Variants in CPLX2 observed in about 807,000 individuals in gnomAD.
CPLX2 encodes the protein complexin-2.
A neutral mutation model predicts 16.3 loss-of-function variants in CPLX2; 5 were observed. That is an observed-to-expected ratio of 0.31 (90% confidence interval 0.16 to 0.64). CPLX2 has a LOEUF of 0.64. Ranked by LOEUF, CPLX2 falls within the 30% of genes least tolerant of loss-of-function variation. The pLI, the probability that CPLX2 is intolerant of heterozygous loss-of-function variation, is 0.79. For synonymous variants in CPLX2, 89 were observed against 73.2 expected, an observed-to-expected ratio of 1.22 and a Z score of -1.10; for missense variants, 144 against 181.4, an observed-to-expected ratio of 0.79 and a Z score of 1.18.
rs1247037713 is a variant in CPLX2, at chr5:175,878,783, G to A, written c.31+13G>A. The A allele has an allele frequency of 6.2e-7, 1 of 1,612,700 alleles. No homozygotes were observed. Among genetic ancestry groups the A allele is most frequent in the Non-Finnish European group, 8.5e-7 (1 of 1,179,676 alleles). Reference sequence around the variant, plus strand: ...CAGGCCCTTGGAGGTGAGGTCCAGCGCCCCTCCGCGTGTCCTCAGCCGGTC... The same window carrying A: ...CAGGCCCTTGGAGGTGAGGTCCAGCACCCCTCCGCGTGTCCTCAGCCGGTC... On this transcript the variant is annotated intron_variant, in intron 2 of 3. Transcript: ENST00000393745.
At chr5:175,828,869 T>C (rs1758671763) in intron 2 of CPLX2, among the ~76,000 whole-genome samples, 1 of 152,242 alleles carries the variant, frequency 6.6e-6, no homozygotes, top group South Asian at 2.1e-4. Flanking sequence ...AGCTTCTGTC[T>C]GTGCCTTCTG....
Position 175,880,180 on chromosome 5 carries a change from C to T in CPLX2, c.*135C>T. The T allele has an allele frequency of 2.2e-6, 2 of 910,766 alleles. No individual in the cohort carries two copies. The highest frequency in any genetic ancestry group is 1.8e-6 in the Non-Finnish European group (1 of 562,912). The allele number at this position is 910,766 out of a possible 1,614,324, so 56.4% of individuals were successfully genotyped here. A position where few individuals can be genotyped will look rare whatever the true frequency, so the allele number is the denominator to read the frequency against. Reference sequence around the variant, plus strand: ...TCTGCCCCTCTTCCCTGGCCAGGGGCTTCTCCCCCTCAGCTCTCCCTCACA... The same window carrying T: ...TCTGCCCCTCTTCCCTGGCCAGGGGTTTCTCCCCCTCAGCTCTCCCTCACA... On this transcript the variant is annotated 3_prime_UTR_variant, in exon 4 of 4. Transcript: ENST00000393745.
intron 2 of CPLX2, among the ~76,000 whole-genome samples, chr5:175,854,583 C>T (rs935335423): frequency 6.6e-5 from 10 of 152,148 alleles, no homozygotes; most frequent in African/African-American, 1.4e-4. Context: ...TCATTATCAG[C>T]GTACTATTTG....
intron 2 of CPLX2, among the ~76,000 whole-genome samples, chr5:175,840,141 C>T (rs1758920150): frequency 6.6e-6 from 1 of 151,968 alleles, no homozygotes. Context: ...AAAACAATTA[C>T]AATACATGCC....
chr5:175,850,255 G>A (rs1417239257), intron 2 of CPLX2, among the ~76,000 whole-genome samples: 2 of 152,176 alleles, frequency 1.3e-5, no homozygotes, highest in African/African-American at 4.8e-5. Flanking sequence ...CCTGGGGTCT[G>A]AGGTCACCCA....
intron 2 of CPLX2, among the ~76,000 whole-genome samples, chr5:175,819,463 G>A (rs113168588): frequency 1.7e-3 from 253 of 152,290 alleles, no homozygotes; most frequent in Middle Eastern, 3.4e-3. Context: ...GAGTGGTGCC[G>A]TTGGAATTTT....
intron 1 of CPLX2, among the ~76,000 whole-genome samples, chr5:175,803,945 T>C (rs372339806): frequency 6.6e-6 from 1 of 152,130 alleles, no homozygotes; most frequent in African/African-American, 2.4e-5. Flanking sequence ...AGCATCCTAA[T>C]GCCGGGAGGA....
At chr5:175,797,763 G>A (rs73803050) in intron 1 of CPLX2, among the ~76,000 whole-genome samples, 133 of 152,324 alleles carry the variant, frequency 8.7e-4, no homozygotes, top group African/African-American at 3.1e-3. Flanking sequence ...AAGGCAGGGG[G>A]GAGGGGGCGA....
intron 1 of CPLX2, among the ~76,000 whole-genome samples, chr5:175,805,881 C>A (rs1408473017): frequency 6.6e-6 from 1 of 152,194 alleles, no homozygotes; most frequent in Non-Finnish European, 1.5e-5. Flanking sequence ...GTCACCGCTA[C>A]ACACACACCC....
At chr5:175,871,456 A>AGAGGGGGAGAGAGAGAGAGAGG (rs1186414614), upstream of CPLX2, 1 of 122,758 alleles carries the variant, frequency 8.1e-6, no homozygotes, top group African/African-American at 3.1e-5. Flanking sequence ...AGAGAGAGAG[A>AGAGGGGGAGAGAGAGAGAGAGG]GAGAGAGAGA....
chr5:175,880,688 G>A lies in CPLX2; in HGVS notation c.*643G>A, dbSNP rs1442992139. 6.4e-6 allele frequency: 1 copy of A among 155,862 alleles called. No individual in the cohort carries two copies. Among genetic ancestry groups the A allele is most frequent in the Non-Finnish European group, 1.4e-5 (1 of 70,256 alleles). 9.7% of individuals were successfully genotyped at this position (155,862 alleles called of 1,614,324 possible). A position where few individuals can be genotyped will look rare whatever the true frequency, so the allele number is the denominator to read the frequency against. On this transcript the variant is annotated 3_prime_UTR_variant, in exon 4 of 4. Coordinates refer to ENST00000393745, the MANE Select transcript of CPLX2 (RefSeq NM_001008220.2). The stretch of plus-strand genomic sequence containing the variant: ...CCCTGCCAAGCTGGTCCCTTCAAAT[G>A]GATCCTTTGTGGACTTTAGCTCATT...
intron 1 of CPLX2, among the ~76,000 whole-genome samples, chr5:175,876,563 A>G (rs1024165017): frequency 2.0e-5 from 3 of 152,154 alleles, no homozygotes; most frequent in Non-Finnish European, 4.4e-5. Flanking sequence ...CAGCAGTTCA[A>G]ATGCTGCAGA....
intron 1 of CPLX2, among the ~76,000 whole-genome samples, chr5:175,801,918 G>T (rs893862864): frequency 6.6e-6 from 1 of 152,158 alleles, no homozygotes; most frequent in African/African-American, 2.4e-5. Context: ...AGAGTAGAGA[G>T]GAAGATAAAA....
intron 2 of CPLX2, chr5:175,837,799 A>G (rs944856643): frequency 2.0e-5 from 3 of 152,000 alleles, no homozygotes; most frequent in African/African-American, 7.3e-5. Flanking sequence ...TAAAATGTAC[A>G]TGATGCTCCC....
intron 2 of CPLX2, among the ~76,000 whole-genome samples, chr5:175,827,868 C>T (rs955421262): frequency 1.3e-5 from 2 of 152,228 alleles, no homozygotes; most frequent in African/African-American, 2.4e-5. Flanking sequence ...ATAGACCCAT[C>T]TGCCTCCTGC....
intron 2 of CPLX2, among the ~76,000 whole-genome samples, chr5:175,820,060 G>A (rs1298094078): frequency 2.0e-5 from 3 of 152,210 alleles, no homozygotes; most frequent in Admixed American, 2.0e-4. Context: ...CCATCTGGAG[G>A]TGAGTGTCCC....
rs1243378487 is a variant in CPLX2 at position 175,881,561 on chromosome 5, C to CT, written c.*1517dup. ...AGAATTCAGAGACATTTGAAGGCTG[C>CT]TGTGTGCATGTTTGGGGGTCTGAAA... On this transcript the variant is annotated 3_prime_UTR_variant, in exon 4 of 4. Transcript: ENST00000393745. 1 of 152,984 alleles carries CT rather than the reference C, an allele frequency of 6.5e-6. No individual in the cohort carries two copies. The highest frequency in any genetic ancestry group is 6.5e-5 in the Admixed American group (1 of 15,272). The allele number at this position is 152,984 out of a possible 1,614,324, so 9.5% of individuals were successfully genotyped here.
chr5:175,819,025 G>A (rs1426508106), intron 2 of CPLX2, among the ~76,000 whole-genome samples: 3 of 152,152 alleles, frequency 2.0e-5, no homozygotes, highest in Middle Eastern at 3.2e-3. Context: ...AAATCACGCC[G>A]TGTTGGACCC....
At chr5:175,802,830 T>C (rs1257329787) in intron 1 of CPLX2, among the ~76,000 whole-genome samples, 2 of 152,122 alleles carry the variant, frequency 1.3e-5, no homozygotes, top group Non-Finnish European at 2.9e-5. Flanking sequence ...TTTCTTTTTT[T>C]TTATTTTCCT....
Sources: gnomAD v4.1 joint callset for allele counts (sites outside exome capture counted in the v4.1 genomes callset) on GRCh38, gnomAD v4.1.1 for gene constraint, MANE v1.5 for transcripts, NCBI Gene and HGNC (gene_info 2026-07-23, HGNC 2026-07-21) for gene names.